Variants in RELN observed in about 807,000 individuals in gnomAD.
RELN encodes reelin.
In RELN, 108 loss-of-function variants were observed where a neutral mutation model predicts 427.6. The ratio of observed to expected loss-of-function variants is 0.25; its 90% CI spans 0.22 to 0.30. The LOEUF (loss-of-function observed/expected upper bound fraction) is 0.30, where lower values mean the gene tolerates loss of function less well. Ranked by LOEUF, RELN falls within the 10% of genes least tolerant of loss-of-function variation. The pLI is 1.00. For missense variants in RELN, 3,715 were observed against 4,302.8 expected (o/e 0.86, Z 3.82); for synonymous variants, 1,524 against 1,513.4 (o/e 1.01, Z -0.16).
At chr7:103,973,407 T>C (rs903571366) in intron 1 of RELN, among the ~76,000 whole-genome samples, 2 of 152,174 alleles carry the variant, frequency 1.3e-5, no homozygotes, top group Non-Finnish European at 2.9e-5. Context: ...AATATTTACC[T>C]TGTCTATGAT....
chr7:103,632,393 G>A (rs1157443739), intron 19 of RELN, among the ~76,000 whole-genome samples: 1 of 152,192 alleles, frequency 6.6e-6, no homozygotes, highest in South Asian at 2.1e-4. Context: ...TGCATAGTAC[G>A]TATTATCAGT....
intron 2 of RELN, among the ~76,000 whole-genome samples, chr7:103,915,187 G>C (rs1795456954): frequency 6.6e-6 from 1 of 152,010 alleles, no homozygotes. Context: ...GGTATGCTGT[G>C]CCCCACCATC....
At chr7:103,966,220 G>GTGGAAA (rs879617319) in intron 1 of RELN, among the ~76,000 whole-genome samples, 79,435 of 151,642 alleles carry the variant, frequency 0.52, 20,943 homozygotes, top group African/African-American at 0.6. Flanking sequence ...AAAATTACCC[G>GTGGAAA]CTTTTTCCAG....
chr7:103,865,095 T>C (rs1411935496), intron 2 of RELN, among the ~76,000 whole-genome samples: 3 of 141,800 alleles, frequency 2.1e-5, no homozygotes, highest in African/African-American at 8.1e-5. Flanking sequence ...GGTCATGCCA[T>C]TGTACTCCAA....
intron 3 of RELN, among the ~76,000 whole-genome samples, chr7:103,815,086 T>C (rs1366256331): frequency 6.6e-6 from 1 of 152,236 alleles, no homozygotes; most frequent in African/African-American, 2.4e-5. Flanking sequence ...TGTCCAACTG[T>C]TATTCAAGCA....
intron 49 of RELN, 24 bp from the exon 50 acceptor site, chr7:103,515,465 G>A: frequency 6.2e-7 from 1 of 1,612,166 alleles, no homozygotes; most frequent in South Asian, 1.1e-5. Context: ...ATGGGGAAGG[G>A]TGTGGGGAAG....
intron 3 of RELN, among the ~76,000 whole-genome samples, chr7:103,803,225 C>T (rs1212727681): frequency 6.6e-6 from 1 of 152,094 alleles, no homozygotes; most frequent in Non-Finnish European, 1.5e-5. Context: ...TTTACGATTG[C>T]TGCGTCTTCA....
At chr7:103,876,780 CT>C (rs4286) in intron 2 of RELN, among the ~76,000 whole-genome samples, 14 of 150,514 alleles carry the variant, frequency 9.3e-5, no homozygotes, top group African/African-American at 2.0e-4. Flanking sequence ...AATGTCTGCT[CT>C]TTTTTTTAAA....
intron 6 of RELN, among the ~76,000 whole-genome samples, chr7:103,744,987 C>G (rs1167338081): frequency 6.6e-6 from 1 of 152,168 alleles, no homozygotes; most frequent in Non-Finnish European, 1.5e-5. Context: ...GACCAATATC[C>G]TTGATGAACA....
At position 103,900,347 on chromosome 7, in the gene RELN, A is replaced by G. The variant is rs189375853; in HGVS notation, c.337+16728T>C. 1.1e-4 allele frequency among the ~76,000 whole-genome samples: 17 copies of G among 152,274 alleles called. No individual in the cohort carries two copies. In the East Asian group the frequency reaches 3.3e-3, roughly 29 times the overall value. On this transcript the variant is annotated intron_variant, in intron 2 of 64. Coordinates refer to ENST00000428762, the MANE Select transcript of RELN (RefSeq NM_005045.4). ...CCATGCTCATGTATAGGAAGAATCAATATCATGAAAATGGCCATACTGCCC... is the reference window on the plus strand; with the variant it reads ...CCATGCTCATGTATAGGAAGAATCAGTATCATGAAAATGGCCATACTGCCC...
At chr7:103,475,376 C>T (rs991146307) in intron 64 of RELN, among the ~76,000 whole-genome samples, 1 of 152,100 alleles carries the variant, frequency 6.6e-6, no homozygotes, top group Admixed American at 6.5e-5. Flanking sequence ...CCTGCCTGAC[C>T]CGTGCATGGG....
At chr7:103,855,491 T>C (rs575316543) in intron 2 of RELN, among the ~76,000 whole-genome samples, 10 of 152,332 alleles carry the variant, frequency 6.6e-5, no homozygotes, top group African/African-American at 2.4e-4. Context: ...GGAAGATCCC[T>C]GCAAGAGGCC....
Position 103,551,250 on chromosome 7 carries a change from C to T in RELN, c.6119G>A (p.Arg2040Lys). 1 of 1,613,998 alleles carries T rather than the reference C, an allele frequency of 6.2e-7. No homozygotes were observed. Among genetic ancestry groups the T allele is most frequent in the Non-Finnish European group, 8.5e-7 (1 of 1,179,998 alleles). Residue 2040 changes from arginine to lysine, a missense_variant, in exon 41 of 65, where the codon AGA (arginine) becomes AAA (lysine). Transcript: ENST00000428762. ...STDSSSADPV[R>K]LEFSRDFGAT... ...CCCGAAGTCCCTTGAAAATTCCAGT[C>T]TCACTGGATCCGCGGATGAGCTATC...
At chr7:103,570,796 G>A (rs1266722295) in intron 31 of RELN, among the ~76,000 whole-genome samples, 3 of 152,132 alleles carry the variant, frequency 2.0e-5, no homozygotes, top group East Asian at 1.9e-4. Context: ...GTAGCACAGG[G>A]GAGAAATCAT....
At chr7:103,847,016 CCT>C (rs1222212705) in intron 2 of RELN, among the ~76,000 whole-genome samples, 1 of 152,144 alleles carries the variant, frequency 6.6e-6, no homozygotes, top group African/African-American at 2.4e-5. Context: ...TGTGGCGACT[CCT>C]CAAGGATCTA....
chr7:103,610,177 C>T (rs1831917522), intron 22 of RELN, among the ~76,000 whole-genome samples: 1 of 152,068 alleles, frequency 6.6e-6, no homozygotes, highest in Non-Finnish European at 1.5e-5. Context: ...TTTTTTCTTT[C>T]ACACTATCAA....
intron 8 of RELN, among the ~76,000 whole-genome samples, chr7:103,722,846 C>G (rs1488574753): frequency 6.6e-6 from 1 of 152,140 alleles, no homozygotes; most frequent in Non-Finnish European, 1.5e-5. Flanking sequence ...CAAGGTAATC[C>G]TGCTGTAATA....
intron 1 of RELN, among the ~76,000 whole-genome samples, chr7:103,919,383 G>T: frequency 6.6e-6 from 1 of 152,046 alleles, no homozygotes; most frequent in Non-Finnish European, 1.5e-5. Context: ...GTATAAAGGA[G>T]CATACTGAAA....
intron 48 of RELN, 40 bp from the exon 49 acceptor site, chr7:103,519,556 T>A: frequency 5.8e-6 from 8 of 1,379,116 alleles, no homozygotes; most frequent in African/African-American, 1.5e-5. Context: ...TGATAAGGAA[T>A]CTCGATTGCA....
Sources: gnomAD v4.1 joint callset for allele counts (sites outside exome capture counted in the v4.1 genomes callset) on GRCh38, gnomAD v4.1.1 for gene constraint, MANE v1.5 for transcripts, NCBI Gene and HGNC (gene_info 2026-07-23, HGNC 2026-07-21) for gene names.